The following XXYLT1 variants were observed in gnomAD, a reference collection of about 807,000 sequenced individuals.
The protein encoded by XXYLT1 is xyloside xylosyltransferase 1.
A neutral mutation model predicts 28.9 loss-of-function variants in XXYLT1; 20 were observed. The observed-to-expected ratio is 0.69, with a 90% confidence interval of 0.49 to 1.00. The LOEUF (loss-of-function observed/expected upper bound fraction) is 1.00. XXYLT1 is among the 50% of genes least tolerant of loss of function. The pLI is 0.00. For synonymous variants in XXYLT1, 257 were observed against 253.8 expected (o/e 1.01, Z -0.12); for missense variants, 542 against 560.1 (o/e 0.97, Z 0.33).
chr3:195,162,803 C>A (rs2108695409), intron 2 of XXYLT1, among the ~76,000 whole-genome samples: 1 of 152,300 alleles, frequency 6.6e-6, no homozygotes, highest in South Asian at 2.1e-4. Flanking sequence ...ATATAACACC[C>A]AATGTAAATT....
intron 2 of XXYLT1, among the ~76,000 whole-genome samples, chr3:195,206,791 G>A (rs1216770531): frequency 1.3e-5 from 2 of 152,012 alleles, no homozygotes; most frequent in Non-Finnish European, 2.9e-5. Context: ...TTTTCTGTTA[G>A]AGAGACTTAT....
chr3:195,083,339 G>C (rs1010381834), intron 3 of XXYLT1, among the ~76,000 whole-genome samples: 3 of 152,086 alleles, frequency 2.0e-5, no homozygotes, highest in Non-Finnish European at 2.9e-5. Flanking sequence ...AGAACCTCTC[G>C]AAAGACTCCT....
At chr3:195,193,969 G>A (rs760701908) in intron 2 of XXYLT1, among the ~76,000 whole-genome samples, 17 of 151,886 alleles carry the variant, frequency 1.1e-4, no homozygotes, top group Non-Finnish European at 2.1e-4. Flanking sequence ...AATGTTGCAG[G>A]AGAAAATATT....
chr3:195,248,779 G>C (rs1377912240), intron 1 of XXYLT1, among the ~76,000 whole-genome samples: 2 of 152,162 alleles, frequency 1.3e-5, no homozygotes. Flanking sequence ...AATTAGCTGA[G>C]TGTGGTGGCA....
chr3:195,125,807 T>G (rs1435122526), intron 3 of XXYLT1, among the ~76,000 whole-genome samples: 1 of 152,202 alleles, frequency 6.6e-6, no homozygotes, highest in Non-Finnish European at 1.5e-5. Flanking sequence ...GTAGCAGGTG[T>G]TGGCAGAGAC....
intron 2 of XXYLT1, among the ~76,000 whole-genome samples, chr3:195,157,702 G>A (rs1720675206): frequency 1.3e-5 from 2 of 152,176 alleles, no homozygotes; most frequent in Admixed American, 1.3e-4. Context: ...AGAGGGAGGG[G>A]CCAGTGCTGA....
At chr3:195,187,625 G>C (rs1722260299) in intron 2 of XXYLT1, among the ~76,000 whole-genome samples, 1 of 152,166 alleles carries the variant, frequency 6.6e-6, no homozygotes, top group Non-Finnish European at 1.5e-5. Flanking sequence ...TCCACCCCTG[G>C]ACATTATTCC....
chr3:195,074,535 G>A (rs1359374393), intron 3 of XXYLT1, among the ~76,000 whole-genome samples: 1 of 152,192 alleles, frequency 6.6e-6, no homozygotes, highest in Non-Finnish European at 1.5e-5. Flanking sequence ...AGTCCAGGAG[G>A]GAAAAGCAAC....
intron 3 of XXYLT1, among the ~76,000 whole-genome samples, chr3:195,104,249 TTTATG>T (rs1716969775): frequency 1.4e-5 from 2 of 143,428 alleles, no homozygotes; most frequent in Non-Finnish European, 3.0e-5. Context: ...GTGTGTGTAT[TTTATG>T]AGAGGGCAGA....
chr3:195,185,085 A>AAGGAAG (rs1722122971), intron 2 of XXYLT1, among the ~76,000 whole-genome samples: 3 of 100,938 alleles, frequency 3.0e-5, no homozygotes, highest in Non-Finnish European at 5.8e-5. Context: ...GAAAGAAGGA[A>AAGGAAG]GAAGGAAGGA....
chr3:195,267,503 C>A (rs1725880643), intron 1 of XXYLT1, among the ~76,000 whole-genome samples: 1 of 152,240 alleles, frequency 6.6e-6, no homozygotes, highest in Admixed American at 6.5e-5. Flanking sequence ...TCTGGCACAG[C>A]CAGAGTGAGA....
chr3:195,190,600 A>C lies in XXYLT1; in HGVS notation c.653-34019T>G, dbSNP rs193051427. 1.6e-3 allele frequency among the ~76,000 whole-genome samples: 249 copies of C among 152,028 alleles called. 2 individuals are homozygous for C. Among genetic ancestry groups the C allele is most frequent in the African/African-American group, 5.8e-3 (242 of 41,478 alleles). Reference sequence around the variant, plus strand: ...ACAGGAAGAAACGAAGAGCACCAAAAATTTTAAATATATGTACTAATATAA... The same window carrying C: ...ACAGGAAGAAACGAAGAGCACCAAACATTTTAAATATATGTACTAATATAA... On this transcript the variant is annotated intron_variant, in intron 2 of 3. Coordinates refer to ENST00000310380, the MANE Select transcript of XXYLT1 (RefSeq NM_152531.5).
intron 2 of XXYLT1, among the ~76,000 whole-genome samples, chr3:195,221,677 G>C (rs1039588140): frequency 2.0e-5 from 3 of 152,204 alleles, no homozygotes; most frequent in Non-Finnish European, 4.4e-5. Context: ...TGTGACCCAG[G>C]AGGGGGAAGC....
chr3:195,112,816 C>T (rs920947074), intron 3 of XXYLT1, among the ~76,000 whole-genome samples: 2 of 149,918 alleles, frequency 1.3e-5, no homozygotes, highest in Non-Finnish European at 3.0e-5. Context: ...GTGGTGGGAA[C>T]AGCTGAAGCA....
At chr3:195,163,495 A>G (rs1451331619) in intron 2 of XXYLT1, among the ~76,000 whole-genome samples, 1 of 152,218 alleles carries the variant, frequency 6.6e-6, no homozygotes, top group African/African-American at 2.4e-5. Flanking sequence ...CCTTCCATTG[A>G]TTCACATGGC....
In XXYLT1 at chr3:195,271,112, T is replaced by C; in HGVS notation, c.-54A>G. 1 of 1,277,622 alleles carries C rather than the reference T, an allele frequency of 7.8e-7. No homozygotes were observed. The allele number at this position is 1,277,622 out of a possible 1,614,324, so 79.1% of individuals were successfully genotyped here. A position where few individuals can be genotyped will look rare whatever the true frequency, so the allele number is the denominator to read the frequency against. ...CCAGCAACGCGGGAGAGCCCTCGGG[T>C]ACCCGGACGCCGGCGGCCACTTAGC... On this transcript the variant is annotated 5_prime_UTR_variant, in exon 1 of 4. Coordinates refer to ENST00000310380, the MANE Select transcript of XXYLT1 (RefSeq NM_152531.5).
At chr3:195,159,045 G>T (rs1720742518) in intron 2 of XXYLT1, among the ~76,000 whole-genome samples, 2 of 152,200 alleles carry the variant, frequency 1.3e-5, no homozygotes, top group African/African-American at 4.8e-5. Flanking sequence ...TAGCTGAAAT[G>T]ATAGCAGTAG....
chr3:195,177,962 G>T (rs2410805), intron 2 of XXYLT1, among the ~76,000 whole-genome samples: 8,795 of 148,132 alleles, frequency 0.059, 354 homozygotes, highest in East Asian at 0.15. Flanking sequence ...AAAAAAGAGG[G>T]ATGGAAATGT....
intron 2 of XXYLT1, among the ~76,000 whole-genome samples, chr3:195,166,869 G>A (rs553991016): frequency 6.6e-6 from 1 of 152,162 alleles, no homozygotes; most frequent in African/African-American, 2.4e-5. Context: ...AGTAGAGATA[G>A]GGTTTCACCA....
Sources: gnomAD v4.1 joint callset for allele counts (sites outside exome capture counted in the v4.1 genomes callset) on GRCh38, gnomAD v4.1.1 for gene constraint, MANE v1.5 for transcripts, NCBI Gene and HGNC (gene_info 2026-07-23, HGNC 2026-07-21) for gene names.